The following NEBL variants were observed in gnomAD, a reference collection of about 807,000 sequenced individuals.
NEBL encodes nebulette, also known as LIM and SH3 protein 2.
NEBL carries 122 observed loss-of-function variants against 140.2 expected under a neutral mutation model. That is an observed-to-expected ratio of 0.87 (90% CI 0.75 to 1.01). NEBL has a LOEUF of 1.01. NEBL is among the 50% of genes least tolerant of loss of function. The probability of loss-of-function intolerance (pLI) is 0.00; values close to 1 mark genes in which losing one functional copy is unlikely to be tolerated. For synonymous variants in NEBL, 436 were observed against 398.9 expected (o/e 1.09, Z -1.11); for missense variants, 1,365 against 1,231.3 (o/e 1.11, Z -1.62).
At chr10:21,218,659 G>A (rs1174709763) in intron 3 of NEBL, among the ~76,000 whole-genome samples, 1 of 152,108 alleles carries the variant, frequency 6.6e-6, no homozygotes, top group African/African-American at 2.4e-5. Context: ...ATAAAAGACA[G>A]ATTAAACAGG....
chr10:21,255,056 T>C (rs752958418), intron 1 of NEBL, among the ~76,000 whole-genome samples: 1 of 152,060 alleles, frequency 6.6e-6, no homozygotes, highest in Non-Finnish European at 1.5e-5. Flanking sequence ...TATCAGACTC[T>C]GCTCCCTGCA....
At chr10:20,803,266 C>T (rs901798301) in intron 26 of NEBL, among the ~76,000 whole-genome samples, 3 of 152,070 alleles carry the variant, frequency 2.0e-5, no homozygotes, top group Non-Finnish European at 4.4e-5. Context: ...GTTTAATGTT[C>T]CCAATACAAA....
At position 20,811,176 on chromosome 10, in the gene NEBL, C is replaced by G. The variant is rs146197615; in HGVS notation, c.2519-1278G>C. Among the ~76,000 whole-genome samples the G allele has an allele frequency of 4.6e-3, 705 of 152,264 alleles. 6 individuals are homozygous for G. Among genetic ancestry groups the G allele is most frequent in the South Asian group, 0.019 (94 of 4,826 alleles). On this transcript the variant is annotated intron_variant, in intron 24 of 27. Coordinates refer to ENST00000377122, the MANE Select transcript of NEBL (RefSeq NM_006393.3). ...AACAAATAAACTGACTTCTGGATTG[C>G]CAAGTAAGTAAATAACTTAGAGTCA...
In NEBL at chr10:21,158,519, A is replaced by C. The variant is rs114078330; in HGVS notation, c.164+13864T>G. Reference sequence around the variant, plus strand: ...CACCATTTTGTAGGTGAGGAAACCGAGGGATGGTGAGGCAAAGTAACTCAA... The same window carrying C: ...CACCATTTTGTAGGTGAGGAAACCGCGGGATGGTGAGGCAAAGTAACTCAA... On this transcript the variant is annotated intron_variant, in intron 2 of 6. Transcript: ENST00000417816. Among the ~76,000 whole-genome samples the C allele has an allele frequency of 8.3e-3, 1,271 of 152,258 alleles. 25 individuals are homozygous for C. Among genetic ancestry groups the C allele is most frequent in the African/African-American group, 0.029 (1,214 of 41,528 alleles).
intron 2 of NEBL, among the ~76,000 whole-genome samples, chr10:21,122,376 C>G (rs1271350242): frequency 6.6e-6 from 1 of 152,042 alleles, no homozygotes; most frequent in East Asian, 1.9e-4. Flanking sequence ...TATCTCGGTG[C>G]CACTAAGTCA....
chr10:20,887,562 G>A (rs545636956), intron 4 of NEBL, among the ~76,000 whole-genome samples: 80 of 151,900 alleles, frequency 5.3e-4, no homozygotes, highest in Non-Finnish European at 1.1e-3. Context: ...GGCACCACAG[G>A]TGCATGCCAA....
chr10:21,273,337 G>T (rs549487722), intron 1 of NEBL, among the ~76,000 whole-genome samples: 40 of 152,270 alleles, frequency 2.6e-4, no homozygotes, highest in Non-Finnish European at 4.3e-4. Context: ...GAGAAAGAGG[G>T]AATTGAGCTT....
chr10:20,798,809 TTGAC>T (rs1403275339), intron 26 of NEBL, among the ~76,000 whole-genome samples: 1 of 152,204 alleles, frequency 6.6e-6, no homozygotes, highest in African/African-American at 2.4e-5. Flanking sequence ...ACGGAACCCT[TTGAC>T]TGAATCTTGG....
intron 7 of NEBL, chr10:20,868,345 T>A: frequency 3.4e-6 from 1 of 294,528 alleles, no homozygotes. Context: ...TGTGTGTAGG[T>A]TAAAACACAA....
chr10:21,088,934 C>T (rs959380800), intron 2 of NEBL, among the ~76,000 whole-genome samples: 1 of 152,122 alleles, frequency 6.6e-6, no homozygotes, highest in Non-Finnish European at 1.5e-5. Flanking sequence ...AGTTAATGAA[C>T]CACGCGAGGC....
intron 4 of NEBL, among the ~76,000 whole-genome samples, chr10:20,919,775 C>A (rs762085631): frequency 6.6e-6 from 1 of 151,972 alleles, no homozygotes. Context: ...ATTCCTAACT[C>A]AAAATCCGGA....
At chr10:21,214,465 G>GCA (rs989236604) in intron 3 of NEBL, among the ~76,000 whole-genome samples, 1 of 150,886 alleles carries the variant, frequency 6.6e-6, no homozygotes, top group Non-Finnish European at 1.5e-5. Context: ...CACACACATG[G>GCA]CACACACATG....
chr10:20,826,124 G>C (rs1011544912), intron 18 of NEBL, among the ~76,000 whole-genome samples: 1 of 152,122 alleles, frequency 6.6e-6, no homozygotes, highest in Non-Finnish European at 1.5e-5. Flanking sequence ...TTGTGGAGAG[G>C]TACTGAAATG....
chr10:20,929,998 C>T (rs1321094320), intron 4 of NEBL, among the ~76,000 whole-genome samples: 1 of 152,144 alleles, frequency 6.6e-6, no homozygotes, highest in Non-Finnish European at 1.5e-5. Context: ...TAAACTTTCT[C>T]GCTGGGTGAT....
chr10:20,869,842 C>A lies in NEBL; in HGVS notation c.481-1G>T. ...CCTGCACGTCTTTCCTATAAGAAATCTGATCAGAGACAGTTTTGGTTAAAA... is the reference window on the plus strand; with the variant it reads ...CCTGCACGTCTTTCCTATAAGAAATATGATCAGAGACAGTTTTGGTTAAAA... On this transcript the variant is annotated splice_acceptor_variant, in intron 5 of 27. Coordinates refer to ENST00000377122, the MANE Select transcript of NEBL (RefSeq NM_006393.3). LOFTEE classifies it high-confidence loss of function. The A allele has an allele frequency of 6.3e-7, 1 of 1,591,690 alleles. No homozygotes were observed. The highest frequency in any genetic ancestry group is 8.6e-7 in the Non-Finnish European group (1 of 1,159,792).
intron 26 of NEBL, among the ~76,000 whole-genome samples, chr10:20,807,662 C>T (rs191348009): frequency 6.7e-6 from 1 of 149,746 alleles, no homozygotes; most frequent in South Asian, 2.1e-4. Flanking sequence ...TGCTCAACCT[C>T]AAAATTTCCT....
intron 9 of NEBL, among the ~76,000 whole-genome samples, chr10:20,857,545 T>C (rs1843205141): frequency 6.6e-6 from 1 of 152,152 alleles, no homozygotes; most frequent in African/African-American, 2.4e-5. Flanking sequence ...ATTGCCACCA[T>C]GAGATGTACA....
At chr10:21,057,650 A>AGTGCAGTAGCGTGAACTTG (rs1274687082) in intron 2 of NEBL, among the ~76,000 whole-genome samples, 1 of 146,878 alleles carries the variant, frequency 6.8e-6, no homozygotes, top group Non-Finnish European at 1.5e-5. Flanking sequence ...CCGAGGCTCG[A>AGTGCAGTAGCGTGAACTTG]GCAATCCTCC....
chr10:21,120,670 T>C (rs1838525631), intron 2 of NEBL, among the ~76,000 whole-genome samples: 1 of 123,770 alleles, frequency 8.1e-6, no homozygotes, highest in African/African-American at 3.2e-5. Context: ...TCAAAAGTAT[T>C]TCATGACAGC....
Sources: allele counts gnomAD v4.1 joint callset (sites outside exome capture counted in the v4.1 genomes callset), GRCh38; gene constraint gnomAD v4.1.1; transcripts MANE v1.5; gene names NCBI Gene and HGNC (gene_info 2026-07-23, HGNC 2026-07-21).